The following TANGO2 variants were observed in gnomAD, a reference collection of about 807,000 sequenced individuals.
TANGO2 encodes the protein transport and Golgi organization protein 2 homolog.
Under a neutral mutation model 39.1 loss-of-function variants are expected in TANGO2, and 26 were observed. The observed-to-expected ratio is 0.67, with a 90% CI of 0.49 to 0.92. TANGO2 has a LOEUF of 0.92. TANGO2 is among the 40% of genes least tolerant of loss of function. The pLI, the probability that TANGO2 is intolerant of heterozygous loss-of-function variation, is 0.00. For synonymous variants in TANGO2, 131 were observed against 144.5 expected (o/e 0.91, Z 0.67); for missense variants, 326 against 360.1 (o/e 0.91, Z 0.77).
intron 3 of TANGO2, among the ~76,000 whole-genome samples, chr22:20,047,457 A>G (rs893920306): frequency 6.6e-6 from 1 of 151,300 alleles, no homozygotes; most frequent in African/African-American, 2.4e-5. Context: ...CTGGTCTCGA[A>G]CTCTTGACCT....
chr22:20,055,371 C>T (rs1231506131), intron 5 of TANGO2: 1 of 158,724 alleles, frequency 6.3e-6, no homozygotes, highest in Non-Finnish European at 1.4e-5. Context: ...GCAGTCCTCC[C>T]TCCTTAGTCT....
At chr22:20,017,758 G>T (rs1022387381), upstream of TANGO2, among the ~76,000 whole-genome samples, 4 of 152,210 alleles carry the variant, frequency 2.6e-5, no homozygotes, top group Non-Finnish European at 4.4e-5. Context: ...CACCTGACAT[G>T]AGTGGGACCA....
In TANGO2 at chr22:20,043,358, C is replaced by T. The variant is rs754114303; in HGVS notation, c.60C>T (p.Leu20=). The T allele has an allele frequency of 3.1e-6, 5 of 1,612,064 alleles. No individual in the cohort carries two copies. Among genetic ancestry groups the T allele is most frequent in the South Asian group, 1.1e-5 (1 of 90,926 alleles). The change falls in exon 3 of 9, where the codon CTC becomes CTT. Residue 20 remains leucine, a synonymous_variant. Coordinates refer to ENST00000327374, the MANE Select transcript of TANGO2 (RefSeq NM_152906.7). ...PRPVSKNAYR[L]ILAANRDEFY... ...CAGTGATGCTTTCCTCTTGCAGGCT[C>T]ATCTTGGCAGCCAACAGGGATGAAT...
chr22:20,050,660 CTTT>C (rs74915154), intron 3 of TANGO2, among the ~76,000 whole-genome samples: 3 of 128,704 alleles, frequency 2.3e-5, no homozygotes, highest in Non-Finnish European at 3.4e-5. Flanking sequence ...CTGCACCCGG[CTTT>C]TTTTTTTTTT....
intron 1 of TANGO2, among the ~76,000 whole-genome samples, chr22:20,022,956 G>C (rs182167489): frequency 2.0e-5 from 3 of 152,344 alleles, no homozygotes; most frequent in African/African-American, 4.8e-5. Flanking sequence ...CCTGGCCTTT[G>C]TTGGCCCCTA....
intron 3 of TANGO2, among the ~76,000 whole-genome samples, chr22:20,044,415 ACTC>A (rs1278634090): frequency 6.6e-6 from 1 of 152,168 alleles, no homozygotes; most frequent in Non-Finnish European, 1.5e-5. Context: ...GGCCCCAGCT[ACTC>A]AGGAGGCTGA....
intron 3 of TANGO2, among the ~76,000 whole-genome samples, chr22:20,049,966 T>C (rs2045979040): frequency 6.6e-6 from 1 of 152,168 alleles, no homozygotes; most frequent in Non-Finnish European, 1.5e-5. Flanking sequence ...TCCAGCACTT[T>C]GGAAGGCCGA....
intron 3 of TANGO2, among the ~76,000 whole-genome samples, chr22:20,045,173 C>T (rs535867667): frequency 1.8e-4 from 27 of 151,962 alleles, no homozygotes; most frequent in African/African-American, 6.3e-4. Context: ...CGGTGGCTCA[C>T]ACCTGTAATC....
chr22:20,023,368 G>C (rs2040096203), intron 1 of TANGO2, among the ~76,000 whole-genome samples: 1 of 152,178 alleles, frequency 6.6e-6, no homozygotes, highest in Admixed American at 6.5e-5. Context: ...GGCTTGTGAG[G>C]AAGCTGAGTG....
At chr22:20,035,686 T>C (rs2042714327) in intron 1 of TANGO2, among the ~76,000 whole-genome samples, 1 of 152,130 alleles carries the variant, frequency 6.6e-6, no homozygotes, top group East Asian at 1.9e-4. Context: ...GTGTGTGTGC[T>C]GAGCAGGACC....
At chr22:20,036,244 A>G (rs2042831197) in intron 1 of TANGO2, among the ~76,000 whole-genome samples, 1 of 152,166 alleles carries the variant, frequency 6.6e-6, no homozygotes. Context: ...TACTCGGCCT[A>G]TGAGGAACTG....
chr22:20,056,272 T>A, intron 6 of TANGO2: 1 of 664,740 alleles, frequency 1.5e-6, no homozygotes, highest in Non-Finnish European at 2.8e-6. Context: ...ACCGCAGCCC[T>A]GCAGCCCAGC....
intron 1 of TANGO2, among the ~76,000 whole-genome samples, chr22:20,029,072 C>G (rs979621721): frequency 6.6e-6 from 1 of 152,226 alleles, no homozygotes; most frequent in Non-Finnish European, 1.5e-5. Context: ...CCCAGGCGTT[C>G]TGTCTGAATG....
chr22:20,058,687 T>C (rs563139721), intron 6 of TANGO2, among the ~76,000 whole-genome samples: 16 of 150,402 alleles, frequency 1.1e-4, no homozygotes, highest in Non-Finnish European at 1.6e-4. Context: ...GGCTAAATGA[T>C]AGAAAGGAGA....
intron 2 of TANGO2, among the ~76,000 whole-genome samples, chr22:20,041,875 C>G (rs915392670): frequency 6.8e-6 from 1 of 147,704 alleles, no homozygotes; most frequent in African/African-American, 2.4e-5. Flanking sequence ...TTGTCGGGCT[C>G]TCACCACTGC....
chr22:20,044,879 C>T (rs2044798941), intron 3 of TANGO2, among the ~76,000 whole-genome samples: 1 of 152,168 alleles, frequency 6.6e-6, no homozygotes, highest in African/African-American at 2.4e-5. Flanking sequence ...CACCCTGGCA[C>T]CCAGGTCTGT....
rs61308460 is a variant in TANGO2, at chr22:20,033,463, C to T, written c.-39-3297C>T. On this transcript the variant is annotated intron_variant, in intron 1 of 8. Transcript: ENST00000327374. Reference sequence around the variant, plus strand: ...GTGTATCAGTGGCCAGAACTGCCCTCATCCATGGCCTTGCCAGCAGCTGGG... The same window carrying T: ...GTGTATCAGTGGCCAGAACTGCCCTTATCCATGGCCTTGCCAGCAGCTGGG... Among the ~76,000 whole-genome samples the T allele has an allele frequency of 7.3e-3, 1,118 of 152,354 alleles. 14 individuals carry two copies. The highest frequency in any genetic ancestry group is 0.025 in the African/African-American group (1,050 of 41,590).
upstream of TANGO2, among the ~76,000 whole-genome samples, chr22:20,020,508 T>TTG (rs1555961273): frequency 9.6e-6 from 1 of 104,286 alleles, no homozygotes; most frequent in African/African-American, 3.7e-5. Context: ...AAGGCTACAC[T>TTG]GGGGGGTGGA....
chr22:20,043,301 G>A (rs551529487), intron 2 of TANGO2, 54 bp from the exon 3 acceptor site: 61 of 1,360,252 alleles, frequency 4.5e-5, no homozygotes, highest in Middle Eastern at 3.6e-4. Flanking sequence ...AAGAGAAAAA[G>A]ACTTGGCTCG....
Sources: allele counts gnomAD v4.1 joint callset (sites outside exome capture counted in the v4.1 genomes callset), GRCh38; gene constraint gnomAD v4.1.1; transcripts MANE v1.5; gene names NCBI Gene and HGNC (gene_info 2026-07-23, HGNC 2026-07-21).